Variants in NOD2 observed in about 807,000 individuals in gnomAD.
NOD2 encodes the protein nucleotide-binding oligomerization domain-containing protein 2.
Under a neutral mutation model 90.9 loss-of-function variants are expected in NOD2, and 86 were observed. The observed-to-expected ratio is 0.95, with a 90% CI of 0.79 to 1.13. NOD2 has a LOEUF of 1.13. NOD2 is among the 50% of genes most tolerant of loss of function. The pLI, the probability that NOD2 is intolerant of heterozygous loss-of-function variation, is 0.00. For synonymous variants in NOD2, 581 were observed against 554.6 expected (o/e 1.05, Z -0.67); for missense variants, 1,238 against 1,283.8 (o/e 0.96, Z 0.55).
chr16:50,731,663 G>C, intron 11 of NOD2, 84 bp from the exon 12 acceptor site: 1 of 943,542 alleles, frequency 1.1e-6, no homozygotes, highest in Non-Finnish European at 1.7e-6. Flanking sequence ...CCCAGGCATG[G>C]GTTTAAAAAG....
rs758539057 is a variant in NOD2 at position 50,710,958 on chromosome 16, C to A, written c.966C>A (p.Leu322=). ...MAKPLSVRTL[L]FEHCCWPDVG... Reference sequence around the variant, plus strand: ...AACCACTCTCTGTGCGGACTCTACTCTTTGAGCACTGCTGTTGGCCTGATG... The same window carrying A: ...AACCACTCTCTGTGCGGACTCTACTATTTGAGCACTGCTGTTGGCCTGATG... The change falls in exon 4 of 12, where the codon CTC becomes CTA. Residue 322 remains leucine (L), a synonymous_variant. Coordinates refer to ENST00000647318, the MANE Select transcript of NOD2 (RefSeq NM_001370466.1). 5 of 1,614,254 alleles carry A rather than the reference C, an allele frequency of 3.1e-6. No individual in the cohort carries two copies. The highest frequency in any genetic ancestry group is 3.3e-5 in the Admixed American group (2 of 60,036).
chr16:50,699,349 G>T, intron 1 of NOD2, 139 bp from the exon 2 acceptor site: 1 of 712,030 alleles, frequency 1.4e-6, no homozygotes, highest in Non-Finnish European at 2.5e-6. Flanking sequence ...ATATGGTGGG[G>T]AGCTTGGATT....
chr16:50,699,803 C>T lies in NOD2; in HGVS notation c.308C>T (p.Pro103Leu). 6.2e-7 allele frequency: 1 copy of T among 1,613,752 alleles called. No individual in the cohort carries two copies. Among genetic ancestry groups the T allele is most frequent in the Non-Finnish European group, 8.5e-7 (1 of 1,180,028 alleles). Residue 103 changes from proline to leucine, a missense_variant, in exon 2 of 12, where the codon CCA becomes CTA. By Grantham distance (98) the Pro-to-Leu change is moderately conservative. Coordinates refer to ENST00000647318, the MANE Select transcript of NOD2 (RefSeq NM_001370466.1). ...TGCTGGGACCCCCACTCGCTCCACCCAGCCCGAGACCTGCAGAGTCACCGG... is the reference window on the plus strand; with the variant it reads ...TGCTGGGACCCCCACTCGCTCCACCTAGCCCGAGACCTGCAGAGTCACCGG... ...HGCWDPHSLH[P>L]ARDLQSHRPA... is the part of the protein sequence containing the mutation.
At position 50,732,102 on chromosome 16, in the gene NOD2, A is replaced by G. The variant is rs984285207; in HGVS notation, c.*283A>G. On this transcript the variant is annotated 3_prime_UTR_variant, in exon 12 of 12. Transcript: ENST00000647318. ...GACAGCCCCTCCTCCATAGTATGGG[A>G]CTGGCCTCTGCTGATCCTCCCAGGC... is the stretch of plus-strand genomic sequence containing the variant. 2.2e-6 allele frequency: 1 copy of G among 462,392 alleles called. No homozygotes were observed. Among genetic ancestry groups the G allele is most frequent in the Admixed American group, 3.3e-5 (1 of 30,152 alleles). 28.6% of individuals were successfully genotyped at this position (462,392 alleles called of 1,614,324 possible).
chr16:50,722,844 G>A (rs1965121481), intron 8 of NOD2, 139 bp downstream of exon 8: 6 of 824,018 alleles, frequency 7.3e-6, no homozygotes, highest in Non-Finnish European at 1.3e-5. Flanking sequence ...AAGACCATTG[G>A]ATTTCAAGAG....
chr16:50,715,420 C>CTT (rs67189633), intron 4 of NOD2, among the ~76,000 whole-genome samples: 1 of 146,718 alleles, frequency 6.8e-6, no homozygotes, highest in Non-Finnish European at 1.5e-5. Context: ...ATTGTTCCCT[C>CTT]TTTTTTTTTT....
intron 1 of NOD2, among the ~76,000 whole-genome samples, chr16:50,698,606 A>G (rs1014815606): frequency 6.6e-6 from 1 of 152,220 alleles, no homozygotes; most frequent in Non-Finnish European, 1.5e-5. Flanking sequence ...CCGGAGTCAT[A>G]CATGGCTCGT....
At chr16:50,696,717 G>A (rs1325507809) in intron 1 of NOD2, among the ~76,000 whole-genome samples, 4 of 152,210 alleles carry the variant, frequency 2.6e-5, no homozygotes, top group Admixed American at 6.5e-5. Context: ...CTCAGAGACA[G>A]GGCCTGGCTG....
chr16:50,697,379 C>T (rs528283990), intron 1 of NOD2: 83 of 1,426,852 alleles, frequency 5.8e-5, no homozygotes, highest in South Asian at 1.3e-4. Flanking sequence ...TCCTTGGCCG[C>T]GACATGCTCC....
At chr16:50,730,611 G>A (rs919873397) in intron 11 of NOD2, among the ~76,000 whole-genome samples, 5 of 152,210 alleles carry the variant, frequency 3.3e-5, no homozygotes, top group Non-Finnish European at 7.3e-5. Flanking sequence ...TAAAAGCCAG[G>A]AAATTTCCTA....
intron 3 of NOD2, chr16:50,710,034 G>A (rs1443601246): frequency 2.2e-6 from 1 of 456,054 alleles, no homozygotes; most frequent in Non-Finnish European, 4.4e-6. Flanking sequence ...TGGCTTCAGA[G>A]ACTGGGCTCC....
chr16:50,699,398 T>G, intron 1 of NOD2, 90 bp from the exon 2 acceptor site: 1 of 1,064,140 alleles, frequency 9.4e-7, no homozygotes, highest in Non-Finnish European at 1.5e-6. Context: ...CAACTCGGGT[T>G]CTGCTGGGGC....
At chr16:50,693,758 G>C (rs938250044) in intron 1 of NOD2, 96 bp downstream of exon 1, 1 of 152,368 alleles carries the variant, frequency 6.6e-6, no homozygotes, top group Non-Finnish European at 1.5e-5. Flanking sequence ...CTTCTGAGCC[G>C]TCCTGGCCGC....
chr16:50,725,399 T>A, intron 9 of NOD2, 90 bp from the exon 10 acceptor site: 1 of 980,996 alleles, frequency 1.0e-6, no homozygotes, highest in South Asian at 1.3e-5. Context: ...GGTTTTCAGA[T>A]GTTGGATTTC....
chr16:50,712,403 T>C (rs1351861757), intron 4 of NOD2, 30 bp downstream of exon 4: 1 of 1,611,400 alleles, frequency 6.2e-7, no homozygotes, highest in Non-Finnish European at 8.5e-7. Flanking sequence ...GCTGTTCAGG[T>C]ATGGGGGAGC....
At chr16:50,716,741 A>C (rs576483826) in intron 5 of NOD2, 71 bp downstream of exon 5, 1 of 1,527,564 alleles carries the variant, frequency 6.5e-7, no homozygotes, top group African/African-American at 1.4e-5. Flanking sequence ...GCAGCCTGGG[A>C]AGCTGTGAGT....
At chr16:50,722,918 G>C (rs8063130) in intron 8 of NOD2, among the ~76,000 whole-genome samples, 112 of 152,260 alleles carry the variant, frequency 7.4e-4, no homozygotes, top group African/African-American at 2.6e-3. Context: ...TTTTGATACA[G>C]TATCTGTAAA....
chr16:50,716,768 G>T, intron 5 of NOD2, 98 bp downstream of exon 5: 3 of 1,483,772 alleles, frequency 2.0e-6, no homozygotes, highest in East Asian at 4.5e-5. Context: ...CTGGGGCAGG[G>T]GCTGTTTGCA....
chr16:50,722,512 G>A, intron 7 of NOD2, 110 bp from the exon 8 acceptor site: 1 of 1,057,256 alleles, frequency 9.5e-7, no homozygotes, highest in South Asian at 1.3e-5. Context: ...GGATTGAGTG[G>A]TCCTGCCCCT....
Sources: gnomAD v4.1 joint callset for allele counts (sites outside exome capture counted in the v4.1 genomes callset) on GRCh38, gnomAD v4.1.1 for gene constraint, MANE v1.5 for transcripts, NCBI Gene and HGNC (gene_info 2026-07-23, HGNC 2026-07-21) for gene names.